Variants in RCL1 observed in about 807,000 individuals in gnomAD.
RCL1 encodes RNA 3'-terminal phosphate cyclase-like protein.
In RCL1, 24 loss-of-function variants were observed where a neutral mutation model predicts 42.4. The observed-to-expected ratio is 0.57, with a 90% CI of 0.41 to 0.80. The LOEUF is 0.80. RCL1 is among the 30% of genes least tolerant of loss of function. The pLI, the probability that RCL1 is intolerant of heterozygous loss-of-function variation, is 0.00. For missense variants in RCL1, 578 were observed against 467.9 expected (o/e 1.24, Z -2.17); for synonymous variants, 228 against 177.3 (o/e 1.29, Z -2.27).
At position 4,811,279 on chromosome 9, in the gene RCL1, C is replaced by CAA. The variant is rs748154842; in HGVS notation, c.137-12256_137-12255dup. On this transcript the variant is annotated intron_variant, in intron 1 of 8. Transcript: ENST00000381750. ...AATAGAGCAAAACCCTGTATCTTTG[C>CAA]AAAAAAAAAAAAAAGGAAAAAAGAA... 9.1e-5 allele frequency among the ~76,000 whole-genome samples: 6 copies of CAA among 65,838 alleles called. No homozygotes were observed. The South Asian group carries it at 2.1e-3, about 23-fold the overall frequency. The allele number at this position is 65,838 out of a possible 152,430, so 43.2% of individuals were successfully genotyped here.
At chr9:4,850,318 T>C (rs1817690535) in intron 8 of RCL1, 1 of 534,294 alleles carries the variant, frequency 1.9e-6, no homozygotes, top group African/African-American at 1.9e-5. Flanking sequence ...TCGGTTATCA[T>C]GGTACCGATG....
chr9:4,827,659 G>A (rs1816804412), intron 3 of RCL1, among the ~76,000 whole-genome samples: 1 of 151,930 alleles, frequency 6.6e-6, no homozygotes, highest in African/African-American at 2.4e-5. Context: ...CTGCAGATAT[G>A]GGGAGAATGG....
intron 1 of RCL1, among the ~76,000 whole-genome samples, chr9:4,803,431 C>A (rs1278312595): frequency 6.6e-6 from 1 of 152,092 alleles, no homozygotes; most frequent in African/African-American, 2.4e-5. Context: ...AAACACAATT[C>A]AAGGGAATTC....
At chr9:4,838,602 C>A (rs995615299) in intron 5 of RCL1, among the ~76,000 whole-genome samples, 1 of 152,336 alleles carries the variant, frequency 6.6e-6, no homozygotes, top group African/African-American at 2.4e-5. Flanking sequence ...ACACACACCC[C>A]TCTTAGCTTT....
intron 1 of RCL1, among the ~76,000 whole-genome samples, chr9:4,802,206 T>A (rs1843015656): frequency 6.6e-6 from 1 of 151,834 alleles, no homozygotes; most frequent in Admixed American, 6.6e-5. Flanking sequence ...ATTATAGGTG[T>A]GAGCCACAGC....
intron 8 of RCL1, among the ~76,000 whole-genome samples, chr9:4,857,224 G>T (rs1044807032): frequency 6.6e-6 from 1 of 152,108 alleles, no homozygotes; most frequent in African/African-American, 2.4e-5. Flanking sequence ...CCCCCAGAAA[G>T]AAACCCTGTG....
intron 5 of RCL1, among the ~76,000 whole-genome samples, chr9:4,838,177 C>G (rs568419187): frequency 6.6e-6 from 1 of 152,226 alleles, no homozygotes; most frequent in Admixed American, 6.5e-5. Flanking sequence ...TGGGAGGGCT[C>G]AGACTGGGAG....
In RCL1 at chr9:4,819,380, T is replaced by C. The variant is rs140673171; in HGVS notation, c.137-4168T>C. Among the ~76,000 whole-genome samples, 757 of 152,364 alleles carry C rather than the reference T, an allele frequency of 5.0e-3. 6 individuals are homozygous for C. The highest frequency in any genetic ancestry group is 0.018 in the African/African-American group (734 of 41,578). On this transcript the variant is annotated intron_variant, in intron 1 of 8. Transcript: ENST00000381750. ...GGAGAGTGCTGGTTTAGAGAATCTT[T>C]GAATTAAACAGTGTTACTAGTTTGT...
intron 1 of RCL1, among the ~76,000 whole-genome samples, chr9:4,809,700 C>G (rs1816105967): frequency 6.6e-6 from 1 of 152,184 alleles, no homozygotes; most frequent in Non-Finnish European, 1.5e-5. Context: ...GCAACATAGC[C>G]TTTCCCTTAA....
At chr9:4,806,014 TGG>T (rs753421594) in intron 1 of RCL1, among the ~76,000 whole-genome samples, 1 of 99,440 alleles carries the variant, frequency 1.0e-5, no homozygotes, top group South Asian at 4.2e-4. Flanking sequence ...GAAATACCAT[TGG>T]GGTGTGTGTG....
chr9:4,792,965 G>T lies in RCL1; in HGVS notation c.-127G>T. ...TTCCAAACCACGTGGACGCGTCTGG[G>T]CTGCTGGAGGCAGCCCGAGCCGCCG... On this transcript the variant is annotated 5_prime_UTR_variant, in exon 1 of 9. Transcript: ENST00000381750. The T allele has an allele frequency of 9.8e-7, 1 of 1,024,878 alleles. No individual in the cohort carries two copies. The highest frequency in any genetic ancestry group is 1.4e-6 in the Non-Finnish European group (1 of 722,168). 63.5% of individuals were successfully genotyped at this position (1,024,878 alleles called of 1,614,324 possible).
intron 1 of RCL1, among the ~76,000 whole-genome samples, chr9:4,802,002 A>G (rs893824617): frequency 3.3e-5 from 5 of 150,658 alleles, no homozygotes; most frequent in African/African-American, 1.2e-4. Flanking sequence ...TCCGCCTGCC[A>G]GGTTCCAGCG....
At chr9:4,856,133 A>G (rs1817951652) in intron 8 of RCL1, among the ~76,000 whole-genome samples, 1 of 152,156 alleles carries the variant, frequency 6.6e-6, no homozygotes. Context: ...GGCTTTTTCC[A>G]GGTTGCCGCC....
intron 4 of RCL1, 132 bp from the exon 5 acceptor site, chr9:4,834,009 A>G (rs2131014176): frequency 1.0e-6 from 1 of 983,780 alleles, no homozygotes; most frequent in Non-Finnish European, 1.4e-6. Flanking sequence ...CTTGAAGGGA[A>G]TGACAGATTG....
intron 3 of RCL1, among the ~76,000 whole-genome samples, chr9:4,831,328 G>A (rs1016223400): frequency 1.3e-5 from 2 of 148,726 alleles, no homozygotes; most frequent in African/African-American, 5.2e-5. Flanking sequence ...TCCCTCGAGA[G>A]AGCCGGTGGC....
intron 8 of RCL1, among the ~76,000 whole-genome samples, chr9:4,856,959 G>C (rs2129749700): frequency 6.6e-6 from 1 of 152,336 alleles, no homozygotes. Context: ...ACAGAGGGAT[G>C]GGGATGGGAG....
intron 7 of RCL1, among the ~76,000 whole-genome samples, chr9:4,846,576 G>A (rs1036093286): frequency 6.6e-6 from 1 of 152,166 alleles, no homozygotes; most frequent in Non-Finnish European, 1.5e-5. Context: ...GTAGGGGGGC[G>A]GGAAACAGTG....
At chr9:4,833,686 A>T (rs112471418) in intron 4 of RCL1, among the ~76,000 whole-genome samples, 2 of 152,222 alleles carry the variant, frequency 1.3e-5, no homozygotes, top group African/African-American at 2.4e-5. Context: ...TTGTTGAATT[A>T]TATCAATCCA....
At chr9:4,858,900 A>G (rs1818057216) in intron 8 of RCL1, among the ~76,000 whole-genome samples, 1 of 152,184 alleles carries the variant, frequency 6.6e-6, no homozygotes, top group African/African-American at 2.4e-5. Flanking sequence ...GAGACTTGCC[A>G]GGGATTCTTG....
Sources: gnomAD v4.1 joint callset for allele counts (sites outside exome capture counted in the v4.1 genomes callset) on GRCh38, gnomAD v4.1.1 for gene constraint, MANE v1.5 for transcripts, NCBI Gene and HGNC (gene_info 2026-07-23, HGNC 2026-07-21) for gene names.